Variants in NEK11 observed in about 807,000 individuals in gnomAD.
The protein encoded by NEK11 is NIMA related kinase 11.
Under a neutral mutation model 80.7 loss-of-function variants are expected in NEK11, and 72 were observed. The observed-to-expected ratio is 0.89, with a 90% CI of 0.74 to 1.08. The LOEUF is 1.08. NEK11 is among the 50% of genes least tolerant of loss of function. The pLI, the probability that NEK11 is intolerant of heterozygous loss-of-function variation, is 0.00. For missense variants in NEK11, 764 were observed against 763.6 expected (o/e 1.00, Z -0.01); for synonymous variants, 251 against 260.7 (o/e 0.96, Z 0.36).
chr3:131,286,821 T>A (rs2096477353), intron 17 of NEK11, among the ~76,000 whole-genome samples: 1 of 152,040 alleles, frequency 6.6e-6, no homozygotes, highest in Non-Finnish European at 1.5e-5. Context: ...ACAAAAAAAA[T>A]TTACAAAGAG....
intron 3 of NEK11, among the ~76,000 whole-genome samples, chr3:131,042,752 C>T (rs1426581821): frequency 2.0e-5 from 3 of 152,170 alleles, no homozygotes; most frequent in African/African-American, 7.2e-5. Context: ...GCACAGCACT[C>T]GAGCTCTGCT....
intron 4 of NEK11, among the ~76,000 whole-genome samples, chr3:131,098,100 A>G (rs546609494): frequency 0.01 from 1,518 of 151,256 alleles, 21 homozygotes; most frequent in African/African-American, 0.034. Context: ...CTGGCTAGCC[A>G]TATGTAGAAA....
chr3:131,037,166 C>A (rs1184087841), intron 3 of NEK11, among the ~76,000 whole-genome samples: 1 of 152,108 alleles, frequency 6.6e-6, no homozygotes, highest in African/African-American at 2.4e-5. Context: ...AACTGAAAAA[C>A]TAAGGAATGC....
chr3:131,086,775 C>G (rs896195508), intron 4 of NEK11, among the ~76,000 whole-genome samples: 2 of 152,162 alleles, frequency 1.3e-5, no homozygotes, highest in African/African-American at 2.4e-5. Flanking sequence ...CTTTATCCAT[C>G]TCTATTTCTA....
chr3:131,182,279 G>T (rs1222030511), intron 14 of NEK11, among the ~76,000 whole-genome samples: 1 of 152,052 alleles, frequency 6.6e-6, no homozygotes. Context: ...CTCAAAAAAG[G>T]AAAAATAGGA....
chr3:131,233,198 C>T (rs2095367007), intron 15 of NEK11, among the ~76,000 whole-genome samples: 1 of 152,116 alleles, frequency 6.6e-6, no homozygotes. Context: ...AGGTTTGGCC[C>T]TGTCAAGAGG....
At chr3:131,210,491 G>C (rs1213702386) in intron 14 of NEK11, among the ~76,000 whole-genome samples, 1 of 152,196 alleles carries the variant, frequency 6.6e-6, no homozygotes, top group East Asian at 1.9e-4. Context: ...TATTAGGTCT[G>C]CTTGGTGCAG....
At chr3:131,140,100 ACT>A (rs2086559945) in intron 7 of NEK11, among the ~76,000 whole-genome samples, 2 of 152,088 alleles carry the variant, frequency 1.3e-5, no homozygotes, top group Non-Finnish European at 2.9e-5. Flanking sequence ...ATGTTGACAC[ACT>A]CTTACTGAGA....
At chr3:131,159,783 T>A (rs777510108) in intron 10 of NEK11, among the ~76,000 whole-genome samples, 39 of 150,952 alleles carry the variant, frequency 2.6e-4, no homozygotes, top group Non-Finnish European at 5.0e-4. Context: ...AAGAATGCAA[T>A]CTCAAGTATT....
chr3:131,086,645 A>G (rs2076014299), intron 4 of NEK11, among the ~76,000 whole-genome samples: 1 of 152,184 alleles, frequency 6.6e-6, no homozygotes, highest in Non-Finnish European at 1.5e-5. Context: ...TTACAGATGA[A>G]GAAACAGGAC....
At chr3:131,234,947 T>A (rs979033480) in intron 15 of NEK11, among the ~76,000 whole-genome samples, 1 of 151,874 alleles carries the variant, frequency 6.6e-6, no homozygotes, top group African/African-American at 2.4e-5. Context: ...GGGTTTAGGA[T>A]CACACCTACA....
At chr3:131,064,915 C>A (rs2071611725) in intron 3 of NEK11, among the ~76,000 whole-genome samples, 1 of 151,490 alleles carries the variant, frequency 6.6e-6, no homozygotes, top group Non-Finnish European at 1.5e-5. Context: ...GAAGAGTGAA[C>A]GTTGGAGCCA....
At chr3:131,292,842 G>C (rs1056470281) in intron 17 of NEK11, among the ~76,000 whole-genome samples, 1 of 151,742 alleles carries the variant, frequency 6.6e-6, no homozygotes, top group Non-Finnish European at 1.5e-5. Flanking sequence ...TTTCATTTTG[G>C]GGGGGTGCTG....
At chr3:131,142,774 C>T (rs2087235880) in intron 7 of NEK11, among the ~76,000 whole-genome samples, 1 of 152,146 alleles carries the variant, frequency 6.6e-6, no homozygotes, top group Non-Finnish European at 1.5e-5. Context: ...TCCTTGTTCT[C>T]CTCACTCACT....
intron 14 of NEK11, among the ~76,000 whole-genome samples, chr3:131,185,511 A>G (rs1483718345): frequency 6.6e-6 from 1 of 152,148 alleles, no homozygotes; most frequent in African/African-American, 2.4e-5. Context: ...TATTGGACAG[A>G]AATGCTATTC....
At chr3:131,330,669 T>C (rs1043638233) in intron 17 of NEK11, 1 of 152,234 alleles carries the variant, frequency 6.6e-6, no homozygotes, top group Non-Finnish European at 1.5e-5. Context: ...TTTTTGGTGA[T>C]TGACCTAATG....
intron 14 of NEK11, among the ~76,000 whole-genome samples, chr3:131,202,231 C>A (rs2094262587): frequency 6.6e-6 from 1 of 152,122 alleles, no homozygotes; most frequent in Non-Finnish European, 1.5e-5. Flanking sequence ...TGGTTCATCT[C>A]ATTGGGACGG....
intron 4 of NEK11, among the ~76,000 whole-genome samples, chr3:131,108,362 A>G (rs1346758499): frequency 6.6e-6 from 1 of 151,958 alleles, no homozygotes; most frequent in African/African-American, 2.4e-5. Flanking sequence ...TATTTTTTCC[A>G]CTTTTGCTCC....
intron 16 of NEK11, among the ~76,000 whole-genome samples, chr3:131,264,466 G>A (rs548749303): frequency 1.3e-5 from 2 of 152,278 alleles, no homozygotes; most frequent in East Asian, 3.9e-4. Context: ...TTATTAAATA[G>A]GGAATCCTTT....
Sources: gnomAD v4.1 joint callset for allele counts (sites outside exome capture counted in the v4.1 genomes callset) on GRCh38, gnomAD v4.1.1 for gene constraint, MANE v1.5 for transcripts, NCBI Gene and HGNC (gene_info 2026-07-23, HGNC 2026-07-21) for gene names.